The following DIAPH3 variants were observed in gnomAD, a reference collection of about 807,000 sequenced individuals.
DIAPH3 encodes protein diaphanous homolog 3.
In DIAPH3, 117 loss-of-function variants were observed where a neutral mutation model predicts 144.3. That is an observed-to-expected ratio of 0.81 (90% confidence interval 0.70 to 0.95). The LOEUF is 0.95. Ranked by LOEUF, DIAPH3 falls within the 40% of genes least tolerant of loss-of-function variation. The pLI, the probability that DIAPH3 is intolerant of heterozygous loss-of-function variation, is 0.00. For synonymous variants in DIAPH3, 519 were observed against 488.9 expected (o/e 1.06, Z -0.81); for missense variants, 1,421 against 1,412.7 (o/e 1.01, Z -0.09).
intron 25 of DIAPH3, among the ~76,000 whole-genome samples, chr13:59,809,330 G>A (rs149745263): frequency 0.031 from 4,689 of 151,924 alleles, 110 homozygotes; most frequent in Non-Finnish European, 0.042. Flanking sequence ...GGCGAAACTC[G>A]GTCTCTACTA....
At chr13:59,722,985 C>A (rs969036421) in intron 27 of DIAPH3, among the ~76,000 whole-genome samples, 3 of 152,160 alleles carry the variant, frequency 2.0e-5, no homozygotes, top group African/African-American at 7.2e-5. Context: ...ATACAGCATG[C>A]CAGCACATAC....
intron 25 of DIAPH3, among the ~76,000 whole-genome samples, chr13:59,794,634 T>C (rs981931839): frequency 5.3e-5 from 8 of 152,224 alleles, no homozygotes; most frequent in African/African-American, 1.9e-4. Context: ...CAAGTTCTGA[T>C]GCGAATTTTG....
At chr13:59,793,889 C>T (rs2039447292) in intron 25 of DIAPH3, among the ~76,000 whole-genome samples, 1 of 152,180 alleles carries the variant, frequency 6.6e-6, no homozygotes, top group Admixed American at 6.5e-5. Flanking sequence ...CCCCTTCCTA[C>T]TCACTAGACA....
At chr13:60,135,472 G>A (rs2059245866) in intron 1 of DIAPH3, among the ~76,000 whole-genome samples, 1 of 152,148 alleles carries the variant, frequency 6.6e-6, no homozygotes, top group South Asian at 2.1e-4. Flanking sequence ...AACTCAAAGG[G>A]ATGTAGATGT....
At chr13:59,904,135 C>A (rs1322067265) in intron 20 of DIAPH3, among the ~76,000 whole-genome samples, 1 of 152,144 alleles carries the variant, frequency 6.6e-6, no homozygotes, top group East Asian at 1.9e-4. Context: ...TATTGACAGG[C>A]TTGAGCATGA....
Position 59,666,560 on chromosome 13 carries a change from AT to A in DIAPH3, c.*23del, listed in dbSNP as rs758247358. 5 of 1,613,054 alleles carry A rather than the reference AT, an allele frequency of 3.1e-6. No homozygotes were observed. Among genetic ancestry groups the A allele is most frequent in the Middle Eastern group, 1.6e-4 (1 of 6,082 alleles). On this transcript the variant is annotated 3_prime_UTR_variant, in exon 28 of 28. Transcript: ENST00000400324. ...GCATGGCTTTATATTTGGCTTAATC[AT>A]TTTTTTTAAAAACCAGTTTAACTTA...
At chr13:59,781,197 T>C (rs982445912) in intron 25 of DIAPH3, among the ~76,000 whole-genome samples, 3 of 152,094 alleles carry the variant, frequency 2.0e-5, no homozygotes, top group African/African-American at 7.2e-5. Context: ...GTCAAATATG[T>C]AGGAAGGAAA....
chr13:60,068,938 C>T (rs2141337633), intron 4 of DIAPH3, among the ~76,000 whole-genome samples: 1 of 87,094 alleles, frequency 1.1e-5, no homozygotes, highest in East Asian at 2.1e-4. Context: ...GTGAAAAGTG[C>T]TGCAATGAAC....
chr13:60,047,500 G>C (rs1196463734), intron 4 of DIAPH3, among the ~76,000 whole-genome samples: 1 of 152,158 alleles, frequency 6.6e-6, no homozygotes, highest in African/African-American at 2.4e-5. Flanking sequence ...GTGGAATAGA[G>C]AGTCCAGAAA....
intron 27 of DIAPH3, among the ~76,000 whole-genome samples, chr13:59,671,016 T>C (rs941489387): frequency 6.6e-6 from 1 of 152,220 alleles, no homozygotes; most frequent in East Asian, 1.9e-4. Flanking sequence ...TTCACTCTTA[T>C]ATAGAAATCT....
At chr13:59,999,575 G>T (rs2052405046) in intron 9 of DIAPH3, among the ~76,000 whole-genome samples, 1 of 152,102 alleles carries the variant, frequency 6.6e-6, no homozygotes, top group Non-Finnish European at 1.5e-5. Flanking sequence ...CATTTGAATT[G>T]AAGTCACAGT....
At chr13:59,890,259 T>C (rs557998879) in intron 20 of DIAPH3, among the ~76,000 whole-genome samples, 6 of 152,218 alleles carry the variant, frequency 3.9e-5, no homozygotes, top group African/African-American at 1.2e-4. Flanking sequence ...TTCACTGCCA[T>C]AAATTCTGAT....
chr13:59,713,709 GC>G (rs1245495808), intron 27 of DIAPH3, among the ~76,000 whole-genome samples: 1 of 152,078 alleles, frequency 6.6e-6, no homozygotes, highest in Non-Finnish European at 1.5e-5. Flanking sequence ...CCTAGTTCTG[GC>G]TACTAAAGCT....
At chr13:59,903,874 T>C (rs932175775) in intron 20 of DIAPH3, among the ~76,000 whole-genome samples, 2 of 152,218 alleles carry the variant, frequency 1.3e-5, no homozygotes, top group Non-Finnish European at 2.9e-5. Context: ...TATGTGTCAG[T>C]AGATGTGCCA....
chr13:60,008,333 T>C (rs527969554), intron 9 of DIAPH3, among the ~76,000 whole-genome samples: 78 of 152,226 alleles, frequency 5.1e-4, no homozygotes, highest in African/African-American at 1.8e-3. Context: ...GAGGCAGAGC[T>C]TTCAGTGAGC....
At chr13:59,995,024 G>A (rs1198124237) in intron 9 of DIAPH3, among the ~76,000 whole-genome samples, 1 of 151,676 alleles carries the variant, frequency 6.6e-6, no homozygotes, top group Non-Finnish European at 1.5e-5. Flanking sequence ...ATAGAATGAG[G>A]TAGAAGAAAA....
chr13:60,024,099 G>T (rs914540143), intron 5 of DIAPH3, among the ~76,000 whole-genome samples: 5 of 146,990 alleles, frequency 3.4e-5, no homozygotes, highest in African/African-American at 1.3e-4. Context: ...AGGTGGTCCA[G>T]CCGCCTCAGC....
At position 59,753,189 on chromosome 13, in the gene DIAPH3, T is replaced by C. The variant is rs1302020657; in HGVS notation, c.3319+21000A>G. On this transcript the variant is annotated intron_variant, in intron 27 of 27. Coordinates refer to ENST00000400324, the MANE Select transcript of DIAPH3 (RefSeq NM_001042517.2). ...GTTAAAAATGATTTTTATAAATAGATAAACTTGATGAAGCCTAACTTTTGT... is the reference window on the plus strand; with the variant it reads ...GTTAAAAATGATTTTTATAAATAGACAAACTTGATGAAGCCTAACTTTTGT... 2.6e-5 allele frequency among the ~76,000 whole-genome samples: 4 copies of C among 152,172 alleles called. No individual in the cohort carries two copies. In the East Asian group the frequency reaches 7.7e-4, roughly 29 times the overall value.
chr13:60,059,979 C>T (rs2056703819), intron 4 of DIAPH3, among the ~76,000 whole-genome samples: 1 of 152,044 alleles, frequency 6.6e-6, no homozygotes, highest in Non-Finnish European at 1.5e-5. Flanking sequence ...TTTCCAATCC[C>T]TCCAGGTAAT....
Sources: allele counts gnomAD v4.1 joint callset (sites outside exome capture counted in the v4.1 genomes callset), GRCh38; gene constraint gnomAD v4.1.1; transcripts MANE v1.5; gene names NCBI Gene and HGNC (gene_info 2026-07-23, HGNC 2026-07-21).